Variants in INTS6 observed in about 807,000 individuals in gnomAD.
INTS6 encodes DEAD box protein.
A neutral mutation model predicts 104.9 loss-of-function variants in INTS6; 16 were observed. The observed-to-expected ratio is 0.15, with a 90% confidence interval of 0.10 to 0.23. The LOEUF (loss-of-function observed/expected upper bound fraction) is 0.23. INTS6 is among the 10% of genes least tolerant of loss of function. The pLI is 1.00. For missense variants in INTS6, 584 were observed against 1,062.8 expected (o/e 0.55, Z 6.26); for synonymous variants, 324 against 358.7 (o/e 0.90, Z 1.09).
At chr13:51,399,622 CTAGCAGCG>C (rs1956399442) in intron 4 of INTS6, among the ~76,000 whole-genome samples, 1 of 152,152 alleles carries the variant, frequency 6.6e-6, no homozygotes, top group African/African-American at 2.4e-5. Flanking sequence ...TATACTCCTA[CTAGCAGCG>C]TATAACAGAA....
chr13:51,401,107 C>T (rs756653705), intron 4 of INTS6, among the ~76,000 whole-genome samples: 6 of 151,974 alleles, frequency 3.9e-5, no homozygotes, highest in Non-Finnish European at 5.9e-5. Flanking sequence ...CTCAACTGAA[C>T]AAGAGAAAGA....
the INTS6 span, among the ~76,000 whole-genome samples, chr13:51,335,051 T>C: frequency 0.21 from 31,433 of 150,438 alleles, 3,672 homozygotes; most frequent in African/African-American, 0.31. Flanking sequence ...TAAAGAGGAA[T>C]TGACAATGGA....
chr13:51,391,284 T>C (rs1278410624), intron 5 of INTS6, among the ~76,000 whole-genome samples: 1 of 152,154 alleles, frequency 6.6e-6, no homozygotes, highest in Non-Finnish European at 1.5e-5. Flanking sequence ...TTTTAAAGTA[T>C]ATAAACTATG....
At chr13:51,366,401 A>G (rs1241878138) in intron 17 of INTS6, among the ~76,000 whole-genome samples, 2 of 152,166 alleles carry the variant, frequency 1.3e-5, no homozygotes, top group Non-Finnish European at 2.9e-5. Context: ...GCAAGCAGTT[A>G]AAGTTCAAGT....
intron 4 of INTS6, among the ~76,000 whole-genome samples, chr13:51,418,263 T>C (rs959658698): frequency 1.3e-5 from 2 of 152,234 alleles, no homozygotes; most frequent in Non-Finnish European, 2.9e-5. Context: ...CATTTTCCAA[T>C]TGTTTTGCAT....
chr13:51,440,468 G>A (rs1370916816), intron 3 of INTS6: 1 of 152,066 alleles, frequency 6.6e-6, no homozygotes, highest in Non-Finnish European at 1.5e-5. Context: ...TAGCCTAAGT[G>A]TACAGTTTAT....
Position 51,436,248 on chromosome 13 carries a change from C to G in INTS6, c.340-5865G>C, listed in dbSNP as rs558964824. Among the ~76,000 whole-genome samples, 44 of 151,820 alleles carry G rather than the reference C, an allele frequency of 2.9e-4. 1 individual carries two copies. In the South Asian group the frequency reaches 8.9e-3, roughly 31 times the overall value. On this transcript the variant is annotated intron_variant, in intron 3 of 17. Coordinates refer to ENST00000311234, the MANE Select transcript of INTS6 (RefSeq NM_012141.3). The stretch of plus-strand genomic sequence containing the variant: ...TAACCATGTGCATTTATTATATGTT[C>G]AAAACAAATACTCTTCAAAATTAAA...
chr13:51,434,843 G>GT (rs2138117480), intron 3 of INTS6, among the ~76,000 whole-genome samples: 1 of 151,936 alleles, frequency 6.6e-6, no homozygotes. Flanking sequence ...TGCCAGTATT[G>GT]TTTTTTGTCA....
At chr13:51,447,252 T>TG (rs953065817) in intron 3 of INTS6, 1 of 152,096 alleles carries the variant, frequency 6.6e-6, no homozygotes, top group African/African-American at 2.4e-5. Context: ...CAAATGGAAA[T>TG]GGAGTTCTCA....
At chr13:51,421,950 A>G (rs950517794) in intron 4 of INTS6, among the ~76,000 whole-genome samples, 20 of 152,150 alleles carry the variant, frequency 1.3e-4, no homozygotes, top group Non-Finnish European at 2.6e-4. Flanking sequence ...ATATGTCCTT[A>G]AATTTCAAAC....
At position 51,451,022 on chromosome 13, in the gene INTS6, T is replaced by C; in HGVS notation, c.339+3A>G. The C allele has an allele frequency of 6.6e-7, 1 of 1,507,942 alleles. No individual in the cohort carries two copies. The highest frequency in any genetic ancestry group is 8.8e-7 in the Non-Finnish European group (1 of 1,130,420). The allele number at this position is 1,507,942 out of a possible 1,614,324, so 93.4% of individuals were successfully genotyped here. On this transcript the variant is annotated splice_donor_region_variant and intron_variant, in intron 3 of 17. Coordinates refer to ENST00000311234, the MANE Select transcript of INTS6 (RefSeq NM_012141.3). ...TATTTTGCCACCTTATTATTCAACC[T>C]ACCTGCCCATAGTTGTCTATGCCAG...
downstream of INTS6, among the ~76,000 whole-genome samples, chr13:51,358,026 T>C (rs1180023909): frequency 2.6e-5 from 4 of 152,084 alleles, no homozygotes; most frequent in African/African-American, 9.7e-5. Context: ...CTGGTCAGAA[T>C]TGCAATAGAA....
rs1220519997 is a variant in INTS6 at position 51,451,182 on chromosome 13, G to A, written c.190-8C>T. The A allele has an allele frequency of 2.6e-6, 4 of 1,536,958 alleles. No individual in the cohort carries two copies. Among genetic ancestry groups the A allele is most frequent in the African/African-American group, 1.4e-5 (1 of 71,374 alleles). The stretch of plus-strand genomic sequence containing the variant: ...GTTTTCTTTCCATCCAGCCTGAAAA[G>A]AAAAATGTAAGATTTTTTTTTTTCA... On this transcript the variant is annotated splice_region_variant and splice_polypyrimidine_tract_variant and intron_variant, in intron 2 of 17. Coordinates refer to ENST00000311234, the MANE Select transcript of INTS6 (RefSeq NM_012141.3).
At chr13:51,366,823 CAG>C (rs1955701417) in intron 17 of INTS6, among the ~76,000 whole-genome samples, 1 of 151,910 alleles carries the variant, frequency 6.6e-6, no homozygotes, top group Non-Finnish European at 1.5e-5. Flanking sequence ...ATAGAAGAGA[CAG>C]GGGGACAAAG....
chr13:51,345,172 C>T, the INTS6 span, among the ~76,000 whole-genome samples: 1 of 152,168 alleles, frequency 6.6e-6, no homozygotes, highest in African/African-American at 2.4e-5. Flanking sequence ...GGCGCTATTA[C>T]TCTCCCCATT....
rs1176416818 is a variant in INTS6, at chr13:51,365,220, A to C, written c.*532T>G. On this transcript the variant is annotated 3_prime_UTR_variant, in exon 18 of 18. Coordinates refer to ENST00000311234, the MANE Select transcript of INTS6 (RefSeq NM_012141.3). ...TAAATGTGATTATTTCCTAAACCACACAAGAGTAAAATAGAGCATTTATTG... is the reference window on the plus strand; with the variant it reads ...TAAATGTGATTATTTCCTAAACCACCCAAGAGTAAAATAGAGCATTTATTG... 1 of 152,576 alleles carries C rather than the reference A, an allele frequency of 6.6e-6. No homozygotes were observed. Among genetic ancestry groups the C allele is most frequent in the African/African-American group, 2.4e-5 (1 of 41,448 alleles). 9.5% of individuals were successfully genotyped at this position (152,576 alleles called of 1,614,324 possible).
intron 4 of INTS6, among the ~76,000 whole-genome samples, chr13:51,403,683 C>T (rs1956492722): frequency 6.6e-6 from 1 of 150,592 alleles, no homozygotes. Flanking sequence ...CAAAGTAATT[C>T]AAATTATATG....
At chr13:51,374,172 G>A (rs1443969105) in intron 15 of INTS6, 36 bp downstream of exon 15, 3 of 1,519,706 alleles carry the variant, frequency 2.0e-6, no homozygotes, top group Non-Finnish European at 2.7e-6. Context: ...GAACCAAAAG[G>A]CAGCAAATAA....
At chr13:51,391,672 A>G (rs1311746603) in intron 5 of INTS6, among the ~76,000 whole-genome samples, 1 of 152,174 alleles carries the variant, frequency 6.6e-6, no homozygotes, top group Admixed American at 6.5e-5. Context: ...ACTTTGGGTT[A>G]TGTAGAGTCC....
Sources: allele counts gnomAD v4.1 joint callset (sites outside exome capture counted in the v4.1 genomes callset), GRCh38; gene constraint gnomAD v4.1.1; transcripts MANE v1.5; gene names NCBI Gene and HGNC (gene_info 2026-07-23, HGNC 2026-07-21).